Variants in TRAF5 observed in about 807,000 individuals in gnomAD.
TRAF5 encodes the protein TNF receptor-associated factor 5.
TRAF5 carries 48 observed loss-of-function variants against 64.5 expected under a neutral mutation model. The ratio of observed to expected loss-of-function variants is 0.74; its 90% CI spans 0.59 to 0.95. The LOEUF (loss-of-function observed/expected upper bound fraction) is 0.95, where lower values mean the gene tolerates loss of function less well. Among genes scored for constraint, TRAF5 ranks in the 40% least tolerant of loss-of-function variants. TRAF5 has a pLI of 0.00. For synonymous variants in TRAF5, 206 were observed against 240.5 expected (o/e 0.86, Z 1.33); for missense variants, 545 against 662.8 (o/e 0.82, Z 1.95).
chr1:211,344,563 G>A (rs577160502), intron 1 of TRAF5, among the ~76,000 whole-genome samples: 9 of 152,240 alleles, frequency 5.9e-5, no homozygotes, highest in Non-Finnish European at 5.9e-5. Context: ...GGCCTTATTG[G>A]TTCTCCCTTT....
In TRAF5 at chr1:211,365,240, A is replaced by G. The variant is rs1002087266; in HGVS notation, c.697-136A>G. The G allele has an allele frequency of 3.6e-5, 23 of 647,422 alleles. No homozygotes were observed. The African/African-American group carries it at 4.3e-4, about 12-fold the overall frequency. 40.1% of individuals were successfully genotyped at this position (647,422 alleles called of 1,614,324 possible). On this transcript the variant is annotated intron_variant, in intron 7 of 10. Coordinates refer to ENST00000261464, the MANE Select transcript of TRAF5 (RefSeq NM_001033910.3). ...ACTGGAGTCATTTTTCCTGCAACCC[A>G]CCTAGAGACTGGTGCGTGTTTAAAC...
chr1:211,354,273 T>C, intron 2 of TRAF5, 137 bp from the exon 3 acceptor site: 1 of 706,944 alleles, frequency 1.4e-6, no homozygotes, highest in Admixed American at 2.8e-5. Context: ...AGGCCCCTTC[T>C]GGGTAGAGGG....
intron 8 of TRAF5, among the ~76,000 whole-genome samples, chr1:211,368,467 G>A (rs1326545439): frequency 6.6e-6 from 1 of 152,174 alleles, no homozygotes; most frequent in African/African-American, 2.4e-5. Flanking sequence ...GAGGTTCATG[G>A]CAGTTCCAGC....
intron 1 of TRAF5, among the ~76,000 whole-genome samples, chr1:211,347,006 T>C (rs772993345): frequency 6.6e-5 from 10 of 152,234 alleles, no homozygotes; most frequent in Non-Finnish European, 1.5e-4. Context: ...AGTACCACAC[T>C]GTACATCCCA....
Position 211,360,722 on chromosome 1 carries a change from T to A in TRAF5, c.564T>A (p.Cys188Ter). 6.2e-7 allele frequency: 1 copy of A among 1,614,038 alleles called. No individual in the cohort carries two copies. The highest frequency in any genetic ancestry group is 8.5e-7 in the Non-Finnish European group (1 of 1,179,930). Residue 188 changes from cysteine (C) to a stop codon, truncating the protein, a stop_gained, in exon 6 of 11, where the codon TGT (cysteine) becomes TGA (stop). Coordinates refer to ENST00000261464, the MANE Select transcript of TRAF5 (RefSeq NM_001033910.3). LOFTEE classifies it high-confidence loss of function. The part of the protein sequence containing the change: ...INLQNHEENL[C>*]PEYPVFCPNN... ...TTCAGAATCATGAGGAAAACTTGTG[T>A]CCTGAATACCCAGTATTTTGTCCCA...
intron 8 of TRAF5, 144 bp downstream of exon 8, chr1:211,365,612 C>T (rs1703327346): frequency 1.6e-6 from 1 of 623,774 alleles, no homozygotes; most frequent in Non-Finnish European, 2.7e-6. Context: ...GCCAAACAGG[C>T]TCATAGGATT....
At chr1:211,341,758 G>A (rs1339525863) in intron 1 of TRAF5, among the ~76,000 whole-genome samples, 4 of 152,202 alleles carry the variant, frequency 2.6e-5, no homozygotes, top group African/African-American at 9.7e-5. Flanking sequence ...CCCATGTGCT[G>A]CATTTTTGTT....
chr1:211,332,501 AG>A, intron 1 of TRAF5, among the ~76,000 whole-genome samples: 1 of 152,304 alleles, frequency 6.6e-6, no homozygotes, highest in East Asian at 1.9e-4. Flanking sequence ...GCTAAGCGGC[AG>A]CCATGAAGGT....
intron 7 of TRAF5, among the ~76,000 whole-genome samples, chr1:211,362,477 C>T (rs989546858): frequency 7.9e-5 from 12 of 151,970 alleles, no homozygotes; most frequent in Non-Finnish European, 1.6e-4. Context: ...GTCAGGAGTT[C>T]GAGAGCAGCC....
At chr1:211,340,274 C>G (rs747073624) in intron 1 of TRAF5, among the ~76,000 whole-genome samples, 1 of 152,084 alleles carries the variant, frequency 6.6e-6, no homozygotes, top group Non-Finnish European at 1.5e-5. Context: ...TGTTTGTGCT[C>G]TTTGTACTTG....
In TRAF5 at chr1:211,340,383, CA is replaced by C. The variant is rs550480183; in HGVS notation, c.-1-12854del. 2.1e-3 allele frequency among the ~76,000 whole-genome samples: 320 copies of C among 152,288 alleles called. 3 individuals carry two copies. Among genetic ancestry groups the C allele is most frequent in the African/African-American group, 7.4e-3 (306 of 41,546 alleles). On this transcript the variant is annotated intron_variant, in intron 1 of 10. Coordinates refer to ENST00000261464, the MANE Select transcript of TRAF5 (RefSeq NM_001033910.3). ...CACTGCAACTTCCGCCTCTTGGGTTCAAGTGATTCTCCTGCCTCAGCCTCCC... is the reference window on the plus strand; with the variant it reads ...CACTGCAACTTCCGCCTCTTGGGTTCAGTGATTCTCCTGCCTCAGCCTCCC...
At chr1:211,360,807 T>C in intron 6 of TRAF5, 28 bp downstream of exon 6, 1 of 1,586,172 alleles carries the variant, frequency 6.3e-7, no homozygotes, top group Non-Finnish European at 8.7e-7. Context: ...TCTCTGTAGA[T>C]TTTATGGAAG....
intron 1 of TRAF5, 33 bp from the exon 2 acceptor site, chr1:211,353,206 T>C (rs758122585): frequency 1.0e-5 from 16 of 1,605,886 alleles, no homozygotes; most frequent in Non-Finnish European, 1.3e-5. Flanking sequence ...GTTTGCACAC[T>C]TAATTTTCCC....
At chr1:211,350,559 A>C (rs1702756359) in intron 1 of TRAF5, among the ~76,000 whole-genome samples, 1 of 152,214 alleles carries the variant, frequency 6.6e-6, no homozygotes, top group Non-Finnish European at 1.5e-5. Flanking sequence ...AGATGAAGGG[A>C]GATAACCTAA....
intron 6 of TRAF5, 115 bp downstream of exon 6, chr1:211,360,894 A>C (rs1370277777): frequency 1.9e-6 from 2 of 1,031,414 alleles, no homozygotes; most frequent in Non-Finnish European, 2.9e-6. Context: ...AATTACACGC[A>C]TGACCATGAC....
intron 1 of TRAF5, among the ~76,000 whole-genome samples, chr1:211,337,836 A>T (rs1702344177): frequency 6.6e-6 from 1 of 152,168 alleles, no homozygotes; most frequent in Admixed American, 6.5e-5. Context: ...GAGGAAGGCT[A>T]TGGGAGGAGC....
chr1:211,337,322 C>T (rs1466664736), intron 1 of TRAF5, among the ~76,000 whole-genome samples: 1 of 152,070 alleles, frequency 6.6e-6, no homozygotes, highest in East Asian at 1.9e-4. Context: ...AAGAGTATTC[C>T]AGGCAGGGGA....
intron 1 of TRAF5, among the ~76,000 whole-genome samples, chr1:211,344,808 G>T (rs888452192): frequency 2.0e-5 from 3 of 152,038 alleles, no homozygotes; most frequent in Admixed American, 2.0e-4. Context: ...GTGCAGTGGC[G>T]TGAACAATGA....
chr1:211,360,841 G>A, intron 6 of TRAF5, 62 bp downstream of exon 6: 5 of 1,484,794 alleles, frequency 3.4e-6, no homozygotes, highest in Non-Finnish European at 4.7e-6. Flanking sequence ...AATCATTGTG[G>A]TCTGTGTTTG....
Sources: allele counts gnomAD v4.1 joint callset (sites outside exome capture counted in the v4.1 genomes callset), GRCh38; gene constraint gnomAD v4.1.1; transcripts MANE v1.5; gene names NCBI Gene and HGNC (gene_info 2026-07-23, HGNC 2026-07-21).